MRGPRF: variants seen among roughly 807,000 people sequenced by gnomAD.
The protein encoded by MRGPRF is mas-related G protein-coupled receptor member F.
Under a neutral mutation model 3.3 loss-of-function variants are expected in MRGPRF, and 2 were observed. The observed-to-expected ratio is 0.61, with a 90% CI of 0.25 to 1.92. The LOEUF is 1.92. Ranked by LOEUF, MRGPRF falls within the 40% of genes most tolerant of loss-of-function variation. The pLI, the probability that MRGPRF is intolerant of heterozygous loss-of-function variation, is 0.16. For missense variants in MRGPRF, 500 were observed against 476.0 expected, an observed-to-expected ratio of 1.05 and a Z score of -0.47; for synonymous variants, 242 against 222.7, an observed-to-expected ratio of 1.09 and a Z score of -0.77.
rs1225691867 is a variant in MRGPRF, at chr11:69,005,527, G to A, written c.783C>T (p.Leu261=). ...GGGCCGGGATCTGGAAGACCCAGAA[G>A]AGGAACCAGTCGATCCCTAAGTAGA... ...SSIYLGIDWF[L]FWVFQIPAPF... Residue 261 remains leucine, a synonymous_variant, in exon 3 of 3, where the codon CTC becomes CTT. Coordinates refer to ENST00000309099, the MANE Select transcript of MRGPRF (RefSeq NM_145015.5). 3 of 1,580,680 alleles carry A rather than the reference G, an allele frequency of 1.9e-6. No homozygotes were observed. The highest frequency in any genetic ancestry group is 2.6e-6 in the Non-Finnish European group (3 of 1,163,736).
In MRGPRF at chr11:69,009,908, GC is replaced by G; in HGVS notation, c.-8del. ...AGGAGCAGTTTCCAGCCATCTCCAGGCCTGGCGCGTCTGGGCCCCTGCTGGC... is the reference window on the plus strand; with the variant it reads ...AGGAGCAGTTTCCAGCCATCTCCAGGCTGGCGCGTCTGGGCCCCTGCTGGC... On this transcript the variant is annotated 5_prime_UTR_variant, in exon 2 of 3. Coordinates refer to ENST00000309099, the MANE Select transcript of MRGPRF (RefSeq NM_145015.5). 6.2e-7 allele frequency: 1 copy of G among 1,603,566 alleles called. No homozygotes were observed. Among genetic ancestry groups the G allele is most frequent in the Non-Finnish European group, 8.5e-7 (1 of 1,177,914 alleles).
Position 69,009,539 on chromosome 11 carries a change from C to G in MRGPRF, c.48+315G>C, listed in dbSNP as rs889315420. 30 of 587,670 alleles carry G rather than the reference C, an allele frequency of 5.1e-5. No homozygotes were observed. The African/African-American group carries it at 5.7e-4, about 11-fold the overall frequency. 36.4% of individuals were successfully genotyped at this position (587,670 alleles called of 1,614,324 possible). On this transcript the variant is annotated intron_variant, in intron 2 of 2. Coordinates refer to ENST00000309099, the MANE Select transcript of MRGPRF (RefSeq NM_145015.5). ...CCGCCTGGCTGTAGTAAGTAGCTGA[C>G]TGCCCCACCTCTGCAGGGAAGAGAT...
In MRGPRF at chr11:69,005,235, T is replaced by C; in HGVS notation, c.*43A>G. On this transcript the variant is annotated 3_prime_UTR_variant, in exon 3 of 3. Transcript: ENST00000309099. ...ATTCCTGTCCCAAGGCGAAGGGTCT[T>C]GGAGGCCGCTTCCTGCCCCTGCCTC... The C allele has an allele frequency of 6.9e-7, 1 of 1,454,020 alleles. No individual in the cohort carries two copies. The highest frequency in any genetic ancestry group is 9.0e-7 in the Non-Finnish European group (1 of 1,109,860). 90.1% of individuals were successfully genotyped at this position (1,454,020 alleles called of 1,614,324 possible). A position where few individuals can be genotyped will look rare whatever the true frequency, so the allele number is the denominator to read the frequency against.
intron 2 of MRGPRF, among the ~76,000 whole-genome samples, chr11:69,006,619 CTTTTTT>C (rs11326908): frequency 1.9e-5 from 2 of 107,934 alleles, no homozygotes; most frequent in African/African-American, 3.7e-5. Flanking sequence ...GAGCCTTTCC[CTTTTTT>C]TTTTTTTTTT....
Position 69,009,931 on chromosome 11 carries a change from T to C in MRGPRF, c.-30A>G, listed in dbSNP as rs1860563641. 1.3e-6 allele frequency: 2 copies of C among 1,592,088 alleles called. No homozygotes were observed. Among genetic ancestry groups the C allele is most frequent in the African/African-American group, 2.7e-5 (2 of 74,754 alleles). On this transcript the variant is annotated 5_prime_UTR_variant, in exon 2 of 3. Coordinates refer to ENST00000309099, the MANE Select transcript of MRGPRF (RefSeq NM_145015.5). ...AGGCCTGGCGCGTCTGGGCCCCTGC[T>C]GGCAGCTCACCAGTCTGCACACCCA...
In MRGPRF at chr11:69,005,294, G is replaced by A. The variant is rs558204229; in HGVS notation, c.1016C>T (p.Pro339Leu). ...GCTGGAGTCTCAGGAGGCGTTCCCC[G>A]GGGGACACTGCATCTCCATGGTGAC... ...NTVTMEMQCP[P>L]GNAS Residue 339 changes from proline (P) to leucine (L), a missense_variant, in exon 3 of 3, where the codon CCG becomes CTG. Physicochemically the swap from Pro to Leu is moderately conservative, Grantham distance 98. Coordinates refer to ENST00000309099, the MANE Select transcript of MRGPRF (RefSeq NM_145015.5). The A allele has an allele frequency of 1.2e-5, 18 of 1,512,298 alleles. No homozygotes were observed. The highest frequency in any genetic ancestry group is 1.9e-4 in the Middle Eastern group (1 of 5,392). 93.7% of individuals were successfully genotyped at this position (1,512,298 alleles called of 1,614,324 possible).
intron 2 of MRGPRF, among the ~76,000 whole-genome samples, chr11:69,008,008 T>G (rs1276543422): frequency 6.6e-6 from 1 of 152,030 alleles, no homozygotes; most frequent in Non-Finnish European, 1.5e-5. Flanking sequence ...AAGGAACAGG[T>G]GAGAGGGAGC....
In MRGPRF at chr11:69,009,987, A is replaced by C. The variant is rs1291077049; in HGVS notation, c.-56-30T>G. On this transcript the variant is annotated intron_variant, in intron 1 of 2. Transcript: ENST00000309099. ...CAGAAGCCCAGAGAGAGGGTGGATG[A>C]GGACAGCAGGGACCCCTCCCCTTCC... 4 of 1,446,842 alleles carry C rather than the reference A, an allele frequency of 2.8e-6. No homozygotes were observed. The African/African-American group carries it at 5.6e-5, about 20-fold the overall frequency. The allele number at this position is 1,446,842 out of a possible 1,614,324, so 89.6% of individuals were successfully genotyped here. A position where few individuals can be genotyped will look rare whatever the true frequency, so the allele number is the denominator to read the frequency against.
At position 69,005,440 on chromosome 11, in the gene MRGPRF, G is replaced by A; in HGVS notation, c.870C>T (p.Val290=). The A allele has an allele frequency of 4.4e-6, 7 of 1,590,550 alleles. No individual in the cohort carries two copies. The highest frequency in any genetic ancestry group is 6.0e-6 in the Non-Finnish European group (7 of 1,168,748). Residue 290 remains valine (V), a synonymous_variant, in exon 3 of 3, where the codon GTC becomes GTT. Coordinates refer to ENST00000309099, the MANE Select transcript of MRGPRF (RefSeq NM_145015.5). The part of the protein sequence containing the change: ...ICINSSAKPI[V]YFLAGRDKSQ... Reference sequence around the variant, plus strand: ...ACTTGTCCCTCCCGGCCAGGAAGTAGACGATGGGCTTGGCGCTGCTGTTGA... The same window carrying A: ...ACTTGTCCCTCCCGGCCAGGAAGTAAACGATGGGCTTGGCGCTGCTGTTGA...
chr11:69,005,985 C>CCAGGAAGCCCCCCGTGTT lies in MRGPRF; in HGVS notation c.307_324dup (p.Asn103_Leu108dup), dbSNP rs763723731. 41 of 1,565,090 alleles carry CCAGGAAGCCCCCCGTGTT rather than the reference C, an allele frequency of 2.6e-5. No individual in the cohort carries two copies. The highest frequency in any genetic ancestry group is 3.5e-5 in the Non-Finnish European group (40 of 1,154,822). On this transcript the variant is annotated inframe_insertion, in exon 3 of 3. Coordinates refer to ENST00000309099, the MANE Select transcript of MRGPRF (RefSeq NM_145015.5). Reference sequence around the variant, plus strand: ...CTGCGGATGTAGTCGGCAAACGTGCCCAGGAAGCCCCCCGTGTTCAGGATG... The same window carrying CCAGGAAGCCCCCCGTGTT: ...CTGCGGATGTAGTCGGCAAACGTGCCCAGGAAGCCCCCCGTGTTCAGGAAGCCCCCCGTGTTCAGGATG...
chr11:69,006,343 G>GGGGGGGGGT, intron 2 of MRGPRF, 82 bp from the exon 3 acceptor site: 12 of 166,522 alleles, frequency 7.2e-5, no homozygotes, highest in Admixed American at 1.9e-3. Context: ...GCGTGGGGGA[G>GGGGGGGGGT]GGGGGGGGTC....
chr11:69,008,821 T>C (rs1376037343), intron 2 of MRGPRF, among the ~76,000 whole-genome samples: 2 of 152,162 alleles, frequency 1.3e-5, no homozygotes, highest in Non-Finnish European at 2.9e-5. Flanking sequence ...TTCAAGGGGC[T>C]GGATGGAGGC....
intron 2 of MRGPRF, 102 bp from the exon 3 acceptor site, chr11:69,006,363 G>C: frequency 2.6e-4 from 295 of 1,122,834 alleles, no homozygotes; most frequent in Non-Finnish European, 3.3e-4. Flanking sequence ...CCCAATTAGG[G>C]ACTTGGGGCA....
intron 2 of MRGPRF, among the ~76,000 whole-genome samples, chr11:69,007,533 G>A (rs1860514083): frequency 6.6e-6 from 1 of 152,210 alleles, no homozygotes; most frequent in East Asian, 1.9e-4. Context: ...AAATCATTCT[G>A]GGAAAAAAAG....
In MRGPRF at chr11:69,005,189, T is replaced by C. The variant is rs546236563; in HGVS notation, c.*89A>G. On this transcript the variant is annotated 3_prime_UTR_variant, in exon 3 of 3. Transcript: ENST00000309099. ...GGAAACAGATCTTTCTTCTCCTGTATGGACTCAGAAGCAGGTGCCCATTCC... is the reference window on the plus strand; with the variant it reads ...GGAAACAGATCTTTCTTCTCCTGTACGGACTCAGAAGCAGGTGCCCATTCC... 3.5e-4 allele frequency: 483 copies of C among 1,391,028 alleles called. 1 individual carries two copies. The highest frequency in any genetic ancestry group is 2.6e-3 in the South Asian group (175 of 66,796). 86.2% of individuals were successfully genotyped at this position (1,391,028 alleles called of 1,614,324 possible).
At position 69,005,595 on chromosome 11, in the gene MRGPRF, G is replaced by A; in HGVS notation, c.715C>T (p.His239Tyr). The A allele has an allele frequency of 2.5e-6, 4 of 1,576,122 alleles. No homozygotes were observed. Among genetic ancestry groups the A allele is most frequent in the Non-Finnish European group, 3.4e-6 (4 of 1,161,482 alleles). ...RRRQRSAKLN[H>Y]VILAMVSVFL... ...ACGGAGACCATGGCCAGGATGACGT[G>A]GTTGAGCTTGGCAGAGCGCTGGCGC... The change falls in exon 3 of 3, where the codon CAC becomes TAC. Residue 239 changes from histidine to tyrosine, a missense_variant. Coordinates refer to ENST00000309099, the MANE Select transcript of MRGPRF (RefSeq NM_145015.5).
intron 2 of MRGPRF, 155 bp downstream of exon 2, chr11:69,009,699 C>T: frequency 1.1e-6 from 1 of 870,720 alleles, no homozygotes; most frequent in South Asian, 1.4e-5. Context: ...TGTGCCCGGC[C>T]ACATAGCCCA....
chr11:69,010,012 C>T (rs1860564714), intron 1 of MRGPRF, 55 bp from the exon 2 acceptor site: 1 of 1,250,584 alleles, frequency 8.0e-7, no homozygotes, highest in African/African-American at 1.5e-5. Flanking sequence ...CCTCCCCTTC[C>T]TGGACCCCCG....
chr11:69,005,649 T>A lies in MRGPRF; in HGVS notation c.661A>T (p.Ile221Phe), dbSNP rs1192645979. 1 of 1,552,568 alleles carries A rather than the reference T, an allele frequency of 6.4e-7. No individual in the cohort carries two copies. Among genetic ancestry groups the A allele is most frequent in the African/African-American group, 1.4e-5 (1 of 73,094 alleles). Residue 221 changes from isoleucine (I) to phenylalanine (F), a missense_variant, in exon 3 of 3, where the codon ATC becomes TTC. Coordinates refer to ENST00000309099, the MANE Select transcript of MRGPRF (RefSeq NM_145015.5). ...CGGGCCCGGCACTCCACGTGCAGGATGAGGGCCAGGCAGGGCAGCACCATG... is the reference window on the plus strand; with the variant it reads ...CGGGCCCGGCACTCCACGTGCAGGAAGAGGGCCAGGCAGGGCAGCACCATG... ...PLMVLPCLAL[I>F]LHVECRARRR...
Sources: gnomAD v4.1 joint callset for allele counts (sites outside exome capture counted in the v4.1 genomes callset) on GRCh38, gnomAD v4.1.1 for gene constraint, MANE v1.5 for transcripts, NCBI Gene and HGNC (gene_info 2026-07-23, HGNC 2026-07-21) for gene names.